Variants in PPT1 observed in about 807,000 individuals in gnomAD.
The protein encoded by PPT1 is palmitoyl-protein thioesterase 1, also known as ceroid-palmitoyl-palmitoyl-protein thioesterase 1.
In PPT1, 24 loss-of-function variants were observed where a neutral mutation model predicts 44.0. That is an observed-to-expected ratio of 0.54 (90% CI 0.39 to 0.77). The LOEUF is 0.77. Among genes scored for constraint, PPT1 ranks in the 30% least tolerant of loss-of-function variants. The probability of loss-of-function intolerance (pLI) is 0.00; values close to 1 mark genes in which losing one functional copy is unlikely to be tolerated. For synonymous variants in PPT1, 148 were observed against 140.2 expected (o/e 1.06, Z -0.39); for missense variants, 341 against 378.8 (o/e 0.90, Z 0.83).
At chr1:40,074,770 G>C (rs914519131) in intron 8 of PPT1, among the ~76,000 whole-genome samples, 3 of 151,732 alleles carry the variant, frequency 2.0e-5, no homozygotes, top group Non-Finnish European at 2.9e-5. Flanking sequence ...CACCCGGCCA[G>C]TTTTTTCTAA....
At chr1:40,077,539 A>T (rs1323634692) in intron 7 of PPT1, among the ~76,000 whole-genome samples, 1 of 152,234 alleles carries the variant, frequency 6.6e-6, no homozygotes, top group Non-Finnish European at 1.5e-5. Context: ...AAATGTTAAA[A>T]ACATTCTTTT....
intron 3 of PPT1, 24 bp downstream of exon 3, chr1:40,092,021 A>G (rs766716941): frequency 1.9e-6 from 3 of 1,613,422 alleles, no homozygotes; most frequent in Non-Finnish European, 2.5e-6. Flanking sequence ...TATAAGTGGT[A>G]CAATATAACA....
At chr1:40,078,688 C>T in intron 6 of PPT1, 30 bp from the exon 7 acceptor site, 14 of 1,555,468 alleles carry the variant, frequency 9.0e-6, no homozygotes, top group Non-Finnish European at 1.1e-5. Flanking sequence ...CACCTAAGGT[C>T]ATTACCATCA....
At chr1:40,074,358 TTTTC>T (rs927214606) in intron 8 of PPT1, among the ~76,000 whole-genome samples, 175 bp from the exon 9 acceptor site, 11 of 152,140 alleles carry the variant, frequency 7.2e-5, no homozygotes, top group African/African-American at 2.2e-4. Flanking sequence ...TCTTTCTCTT[TTTTC>T]TTTTTCTTTC....
At chr1:40,089,286 C>CA (rs10522229) in intron 5 of PPT1, 124 bp downstream of exon 5, 146 of 377,162 alleles carry the variant, frequency 3.9e-4, no homozygotes, top group Middle Eastern at 7.1e-4. Flanking sequence ...AACTCCATCT[C>CA]AAAAAAAAAG....
At chr1:40,080,811 T>C (rs1475531873) in intron 5 of PPT1, among the ~76,000 whole-genome samples, 1 of 151,972 alleles carries the variant, frequency 6.6e-6, no homozygotes, top group Non-Finnish European at 1.5e-5. Flanking sequence ...GCGGCAGAGG[T>C]TGCAGTGAGC....
chr1:40,076,980 G>T, intron 7 of PPT1, 67 bp from the exon 8 acceptor site: 1 of 1,574,908 alleles, frequency 6.3e-7, no homozygotes, highest in East Asian at 2.2e-5. Context: ...AATAATTTGA[G>T]ACTGGTTAGA....
chr1:40,093,502 C>G (rs1649677639), intron 1 of PPT1, among the ~76,000 whole-genome samples: 1 of 152,152 alleles, frequency 6.6e-6, no homozygotes, highest in South Asian at 2.1e-4. Flanking sequence ...AAATGGTTAA[C>G]TTTACATGAA....
chr1:40,093,401 T>A (rs373257459), intron 1 of PPT1, among the ~76,000 whole-genome samples: 12 of 136,396 alleles, frequency 8.8e-5, no homozygotes, highest in East Asian at 6.6e-4. Flanking sequence ...GATTGCTTAA[T>A]GGCTATGTGT....
chr1:40,077,050 G>C, intron 7 of PPT1, 137 bp from the exon 8 acceptor site: 1 of 1,049,224 alleles, frequency 9.5e-7, no homozygotes, highest in Non-Finnish European at 1.4e-6. Flanking sequence ...AAAATGGATA[G>C]GGTGCGTCTG....
intron 5 of PPT1, among the ~76,000 whole-genome samples, chr1:40,086,129 G>A (rs928021260): frequency 6.6e-6 from 1 of 152,204 alleles, no homozygotes; most frequent in African/African-American, 2.4e-5. Flanking sequence ...AACAGGATAT[G>A]TAAAGCTCTA....
rs1444032643 is a variant in PPT1, at chr1:40,078,476, A to G, written c.726+84T>C. The G allele has an allele frequency of 2.2e-6, 3 of 1,355,696 alleles. No individual in the cohort carries two copies. In the East Asian group the frequency reaches 7.2e-5, roughly 33 times the overall value. 84.0% of individuals were successfully genotyped at this position (1,355,696 alleles called of 1,614,324 possible). A position where few individuals can be genotyped will look rare whatever the true frequency, so the allele number is the denominator to read the frequency against. ...CTTGGCCTCCCAGAGTGCTGGGATT[A>G]CAGGCATGAGCCACCGTGCCCGGCC... On this transcript the variant is annotated intron_variant, in intron 7 of 8. Coordinates refer to ENST00000642050, the MANE Select transcript of PPT1 (RefSeq NM_000310.4).
intron 5 of PPT1, among the ~76,000 whole-genome samples, chr1:40,087,799 C>T (rs959990396): frequency 6.6e-6 from 1 of 151,896 alleles, no homozygotes; most frequent in Non-Finnish European, 1.5e-5. Flanking sequence ...GCCAATCAAA[C>T]CAGGCAAAGG....
At position 40,094,743 on chromosome 1, in the gene PPT1, C is replaced by A. The variant is rs1369565343; in HGVS notation, c.125-2236G>T. Reference sequence around the variant, plus strand: ...TTCAACCTGCGAGAAAGCTTAAGCACCAATTTTAGAACAAGAAAAGGCTAC... The same window carrying A: ...TTCAACCTGCGAGAAAGCTTAAGCAACAATTTTAGAACAAGAAAAGGCTAC... On this transcript the variant is annotated intron_variant, in intron 1 of 8. Coordinates refer to ENST00000642050, the MANE Select transcript of PPT1 (RefSeq NM_000310.4). Among the ~76,000 whole-genome samples, 4 of 152,158 alleles carry A rather than the reference C, an allele frequency of 2.6e-5. No homozygotes were observed. In the South Asian group the frequency reaches 6.2e-4, roughly 24 times the overall value.
chr1:40,079,392 C>CT (rs11464192), intron 6 of PPT1, among the ~76,000 whole-genome samples: 59,956 of 90,262 alleles, frequency 0.66, 20,742 homozygotes, highest in South Asian at 0.71. Flanking sequence ...TTTTCTTTTC[C>CT]TTTTTTTTTT....
intron 5 of PPT1, among the ~76,000 whole-genome samples, chr1:40,087,518 C>T (rs1649325371): frequency 6.6e-6 from 1 of 152,048 alleles, no homozygotes; most frequent in Non-Finnish European, 1.5e-5. Context: ...GCTGGGATAA[C>T]AGGCATGAGC....
chr1:40,091,240 T>C, intron 4 of PPT1, 89 bp downstream of exon 4: 1 of 1,330,022 alleles, frequency 7.5e-7, no homozygotes, highest in Non-Finnish European at 1.1e-6. Context: ...GCTGATGTCT[T>C]GTGCAAATAT....
intron 5 of PPT1, among the ~76,000 whole-genome samples, chr1:40,088,145 T>C (rs1014336826): frequency 6.8e-6 from 1 of 146,808 alleles, no homozygotes; most frequent in African/African-American, 2.5e-5. Flanking sequence ...CATCAAAACT[T>C]TTTTTTTTTT....
intron 3 of PPT1, 31 bp from the exon 4 acceptor site, chr1:40,091,430 C>G: frequency 6.4e-7 from 1 of 1,562,522 alleles, no homozygotes; most frequent in African/African-American, 1.4e-5. Context: ...TTAGCTCCGA[C>G]TGTCAGATGG....
Sources: gnomAD v4.1 joint callset for allele counts (sites outside exome capture counted in the v4.1 genomes callset) on GRCh38, gnomAD v4.1.1 for gene constraint, MANE v1.5 for transcripts, NCBI Gene and HGNC (gene_info 2026-07-23, HGNC 2026-07-21) for gene names.